Variants in COL9A3 observed in about 807,000 individuals in gnomAD.
The protein encoded by COL9A3 is collagen type IX alpha 3 chain.
Under a neutral mutation model 110.2 loss-of-function variants are expected in COL9A3, and 82 were observed. That is an observed-to-expected ratio of 0.74 (90% CI 0.62 to 0.89). COL9A3 has a LOEUF of 0.89. COL9A3 is among the 40% of genes least tolerant of loss of function. The pLI is 0.00. For synonymous variants in COL9A3, 494 were observed against 403.8 expected (o/e 1.22, Z -2.68); for missense variants, 1,066 against 981.3 (o/e 1.09, Z -1.15).
In COL9A3 at chr20:62,836,328, GTTCCGGTACGTCGCTT is replaced by G; in HGVS notation, c.1548+2_1548+17del. ...TCCTGGCATCACGGGGAAGCCGGGA[GTTCCGGTACGTCGCTT>G]TTCCGGCTTTTCCAGCTTTCACAGG... On this transcript the variant is annotated splice_donor_variant and splice_donor_5th_base_variant and coding_sequence_variant and intron_variant, in exon 28 of 32. Transcript: ENST00000649368. LOFTEE classifies it high-confidence loss of function. 1.9e-6 allele frequency: 3 copies of G among 1,613,796 alleles called. No homozygotes were observed. Among genetic ancestry groups the G allele is most frequent in the Non-Finnish European group, 2.5e-6 (3 of 1,180,034 alleles).
chr20:62,820,576 T>C (rs1398922331), intron 5 of COL9A3, among the ~76,000 whole-genome samples: 1 of 152,122 alleles, frequency 6.6e-6, no homozygotes, highest in Non-Finnish European at 1.5e-5. Flanking sequence ...CTTGGGACCC[T>C]TGGGAGCTCG....
At chr20:62,819,433 A>G in intron 4 of COL9A3, 140 bp downstream of exon 4, 1 of 818,368 alleles carries the variant, frequency 1.2e-6, no homozygotes, top group East Asian at 2.7e-5. Flanking sequence ...GAAGTCCCCA[A>G]CAGGGGTCCT....
At chr20:62,828,893 C>T (rs2063574127) in intron 18 of COL9A3, 30 bp from the exon 19 acceptor site, 1 of 1,612,370 alleles carries the variant, frequency 6.2e-7, no homozygotes. Context: ...CTCAGCCTCC[C>T]CTTCCGCACC....
intron 22 of COL9A3, among the ~76,000 whole-genome samples, chr20:62,830,135 G>A (rs935260913): frequency 1.3e-5 from 2 of 152,130 alleles, no homozygotes; most frequent in African/African-American, 4.8e-5. Flanking sequence ...GCCTGGCCCC[G>A]AGTCTGGCCT....
intron 16 of COL9A3, among the ~76,000 whole-genome samples, chr20:62,827,638 C>T (rs192349674): frequency 2.0e-5 from 3 of 152,336 alleles, no homozygotes; most frequent in East Asian, 1.9e-4. Flanking sequence ...GCCAAGCGTT[C>T]CAGGAGTGGA....
At chr20:62,817,480 C>T (rs1990967110) in intron 1 of COL9A3, 87 bp from the exon 2 acceptor site, 2 of 1,004,784 alleles carry the variant, frequency 2.0e-6, no homozygotes, top group Non-Finnish European at 3.0e-6. Context: ...TCGCAGGCCC[C>T]GGAGCCGCTC....
At position 62,818,519 on chromosome 20, in the gene COL9A3, G is replaced by A. The variant is rs961539779; in HGVS notation, c.149G>A (p.Gly50Glu). 6.2e-7 allele frequency: 1 copy of A among 1,613,112 alleles called. No individual in the cohort carries two copies. Among genetic ancestry groups the A allele is most frequent in the Admixed American group, 1.7e-5 (1 of 60,036 alleles). ...PGKPGQDGIDGEAGPPGLPGP... is the reference protein window; with the variant it reads ...PGKPGQDGIDEEAGPPGLPGP... The stretch of plus-strand genomic sequence containing the variant: ...ACATGTGGGTGTCTTTCCTCACAGG[G>A]AGAAGCTGGTCCTCCAGGTCTGCCT... Residue 50 changes from glycine (G) to glutamate (E), a missense_variant and splice_region_variant, in exon 3 of 32, where the codon GGA becomes GAA. By Grantham distance (98) the Gly-to-Glu change is moderately conservative. Transcript: ENST00000649368.
intron 26 of COL9A3, among the ~76,000 whole-genome samples, chr20:62,833,389 T>G (rs1263352798): frequency 6.6e-6 from 1 of 152,194 alleles, no homozygotes; most frequent in Non-Finnish European, 1.5e-5. Context: ...GTTTTTTTGT[T>G]TTTGGTTTTT....
At position 62,840,930 on chromosome 20, in the gene COL9A3, T is replaced by G. The variant is rs761258855; in HGVS notation, c.*198T>G. ...CCTGACAGCATACCTCAAAAGGCCC[T>G]AGCTAATAAACCTGTAAGCCCAGCA... On this transcript the variant is annotated 3_prime_UTR_variant, in exon 32 of 32. Coordinates refer to ENST00000649368, the MANE Select transcript of COL9A3 (RefSeq NM_001853.4). The G allele has an allele frequency of 3.3e-6, 2 of 608,760 alleles. No individual in the cohort carries two copies. The highest frequency in any genetic ancestry group is 5.9e-6 in the Non-Finnish European group (2 of 337,280). 37.7% of individuals were successfully genotyped at this position (608,760 alleles called of 1,614,324 possible). A position where few individuals can be genotyped will look rare whatever the true frequency, so the allele number is the denominator to read the frequency against.
intron 2 of COL9A3, among the ~76,000 whole-genome samples, chr20:62,818,264 C>T (rs1991001951): frequency 6.6e-6 from 1 of 152,226 alleles, no homozygotes; most frequent in Non-Finnish European, 1.5e-5. Flanking sequence ...GACCCACCCT[C>T]TGCCCCCCTG....
intron 6 of COL9A3, 26 bp downstream of exon 6, chr20:62,821,242 T>G: frequency 6.2e-7 from 1 of 1,609,640 alleles, no homozygotes; most frequent in Non-Finnish European, 8.5e-7. Context: ...GGTCCTCTCC[T>G]CTCCATGGGA....
chr20:62,837,213 A>G lies in COL9A3; in HGVS notation c.1734A>G (p.Gly578=), dbSNP rs1216601800. ...CCATTGGTCACCCTGGCGCTCGAGG[A>G]CCCCCTGGATACCGCGGTCCCACTG... is the stretch of plus-strand genomic sequence containing the variant. The part of the protein sequence containing the change: ...PGSIGHPGAR[G]PPGYRGPTGE... The change falls in exon 30 of 32, where the codon GGA becomes GGG. Residue 578 remains glycine, a synonymous_variant. Transcript: ENST00000649368. The G allele has an allele frequency of 1.2e-6, 2 of 1,611,428 alleles. No individual in the cohort carries two copies. The highest frequency in any genetic ancestry group is 8.5e-7 in the Non-Finnish European group (1 of 1,179,526).
intron 25 of COL9A3, 114 bp downstream of exon 25, chr20:62,832,303 C>T (rs970443376): frequency 1.9e-6 from 2 of 1,037,194 alleles, no homozygotes; most frequent in Non-Finnish European, 3.0e-6. Context: ...ACTGAGCCTC[C>T]TTTCTCCTCT....
In COL9A3 at chr20:62,835,975, C is replaced by T. The variant is rs200544421; in HGVS notation, c.1401+22C>T. 32 of 1,614,044 alleles carry T rather than the reference C, an allele frequency of 2.0e-5. No individual in the cohort carries two copies. In the Admixed American group the frequency reaches 2.0e-4, roughly 10 times the overall value. On this transcript the variant is annotated intron_variant, in intron 27 of 31. Coordinates refer to ENST00000649368, the MANE Select transcript of COL9A3 (RefSeq NM_001853.4). ...AGAGGTGAGTGCCCGGCGACTGTTC[C>T]GATGACACCATCCATGGGCGCCTGC...
Position 62,817,629 on chromosome 20 carries a change from C to T in COL9A3, c.141C>T (p.Gly47=), listed in dbSNP as rs1990977147. The change falls in exon 2 of 32, where the codon GGC becomes GGT. Residue 47 remains glycine, a synonymous_variant. Coordinates refer to ENST00000649368, the MANE Select transcript of COL9A3 (RefSeq NM_001853.4). The stretch of plus-strand genomic sequence containing the variant: ...CGCCCGGGAAGCCCGGCCAGGACGG[C>T]ATTGACGTGAGTTTGGGGGTGGGGA... ...PGPPGKPGQD[G]IDGEAGPPGL... 6.5e-7 allele frequency: 1 copy of T among 1,540,678 alleles called. No individual in the cohort carries two copies. Among genetic ancestry groups the T allele is most frequent in the Non-Finnish European group, 8.8e-7 (1 of 1,141,692 alleles).
At chr20:62,824,896 C>T (rs1367292261) in intron 11 of COL9A3, 72 bp from the exon 12 acceptor site, 1 of 1,473,482 alleles carries the variant, frequency 6.8e-7, no homozygotes, top group Non-Finnish European at 9.3e-7. Context: ...CCCTGCAGGC[C>T]TCACTTCAGT....
chr20:62,825,054 TGG>T lies in COL9A3; in HGVS notation c.630+36_630+37del, dbSNP rs758566420. On this transcript the variant is annotated intron_variant, in intron 12 of 31. Transcript: ENST00000649368. ...TGCCGCACAGCAGCTGGGGAGGAGC[TGG>T]GGACTGGAGGCTGGGCTCCGGCGGG... 3 of 1,538,788 alleles carry T rather than the reference TGG, an allele frequency of 1.9e-6. No homozygotes were observed. The Admixed American group carries it at 5.6e-5, about 29-fold the overall frequency.
chr20:62,833,208 C>A, intron 26 of COL9A3, 144 bp downstream of exon 26: 1 of 733,242 alleles, frequency 1.4e-6, no homozygotes, highest in Non-Finnish European at 2.4e-6. Flanking sequence ...GGGGATGGAG[C>A]AGGGTCGGGC....
chr20:62,840,455 G>A, intron 31 of COL9A3, 87 bp from the exon 32 acceptor site: 4 of 1,244,864 alleles, frequency 3.2e-6, no homozygotes, highest in African/African-American at 1.5e-5. Flanking sequence ...GCAGATGGAA[G>A]AGCAGGGCTT....
Sources: gnomAD v4.1 joint callset for allele counts (sites outside exome capture counted in the v4.1 genomes callset) on GRCh38, gnomAD v4.1.1 for gene constraint, MANE v1.5 for transcripts, NCBI Gene and HGNC (gene_info 2026-07-23, HGNC 2026-07-21) for gene names.